AEBP2: variants seen among roughly 807,000 people sequenced by gnomAD.
AEBP2 encodes AE binding protein 2.
A neutral mutation model predicts 50.8 loss-of-function variants in AEBP2; 10 were observed. The ratio of observed to expected loss-of-function variants is 0.20; its 90% CI spans 0.12 to 0.33. The LOEUF is 0.33. Among genes scored for constraint, AEBP2 ranks in the 10% least tolerant of loss-of-function variants. AEBP2 has a pLI of 1.00. For synonymous variants in AEBP2, 296 were observed against 261.3 expected (o/e 1.13, Z -1.28); for missense variants, 570 against 688.0 (o/e 0.83, Z 1.92).
intron 4 of AEBP2, among the ~76,000 whole-genome samples, chr12:19,496,481 C>T (rs1202841291): frequency 6.6e-6 from 1 of 152,134 alleles, no homozygotes; most frequent in Non-Finnish European, 1.5e-5. Context: ...GCATGGTTAA[C>T]AGCTGCTGCA....
intron 5 of AEBP2, among the ~76,000 whole-genome samples, chr12:19,501,452 T>C (rs1170502524): frequency 6.6e-6 from 1 of 151,792 alleles, no homozygotes; most frequent in Non-Finnish European, 1.5e-5. Flanking sequence ...CTGGATAATA[T>C]GGCAAATCCC....
intron 2 of AEBP2, among the ~76,000 whole-genome samples, chr12:19,464,934 A>G: frequency 6.6e-6 from 1 of 152,110 alleles, no homozygotes; most frequent in East Asian, 1.9e-4. Context: ...TAATCACAGT[A>G]ATTATATACC....
At position 19,439,881 on chromosome 12, in the gene AEBP2, G is replaced by A. The variant is rs1437112846; in HGVS notation, c.182G>A (p.Gly61Asp). Residue 61 changes from glycine to aspartate, a missense_variant, in exon 1 of 8, where the codon GGC becomes GAC. Physicochemically the swap from Gly to Asp is moderately conservative, Grantham distance 94. Transcript: ENST00000266508. ...AEAVAALLLN[G>D]GSGGGGGGGG... ...GCGGTGGCGGCGCTGCTGCTGAACGGCGGCAGCGGTGGGGGCGGCGGAGGC... is the reference window on the plus strand; with the variant it reads ...GCGGTGGCGGCGCTGCTGCTGAACGACGGCAGCGGTGGGGGCGGCGGAGGC... The A allele has an allele frequency of 1.4e-5, 21 of 1,484,396 alleles. No homozygotes were observed. The highest frequency in any genetic ancestry group is 1.8e-5 in the Non-Finnish European group (20 of 1,126,518). 92.0% of individuals were successfully genotyped at this position (1,484,396 alleles called of 1,614,324 possible).
intron 4 of AEBP2, among the ~76,000 whole-genome samples, chr12:19,496,740 C>T (rs1489010947): frequency 6.6e-6 from 1 of 151,084 alleles, no homozygotes; most frequent in African/African-American, 2.4e-5. Context: ...TGACTCACTG[C>T]AGCCTCGACC....
At chr12:19,404,700 C>A (rs1285368064) in intron 1 of AEBP2, among the ~76,000 whole-genome samples, 1 of 152,088 alleles carries the variant, frequency 6.6e-6, no homozygotes, top group South Asian at 2.1e-4. Context: ...CAGAAAAGAA[C>A]GTTGGGTCTG....
chr12:19,497,471 T>C (rs1949004036), intron 4 of AEBP2, among the ~76,000 whole-genome samples: 1 of 151,574 alleles, frequency 6.6e-6, no homozygotes, highest in African/African-American at 2.4e-5. Flanking sequence ...CTTTGTTCTG[T>C]TTTTGTTTTT....
chr12:19,451,089 C>T (rs975426034), intron 1 of AEBP2, among the ~76,000 whole-genome samples: 4 of 152,100 alleles, frequency 2.6e-5, no homozygotes, highest in Non-Finnish European at 4.4e-5. Context: ...GAGTTGTAAG[C>T]ATTACAGAGT....
chr12:19,471,825 C>T (rs751241188), intron 2 of AEBP2, among the ~76,000 whole-genome samples: 6 of 152,092 alleles, frequency 3.9e-5, no homozygotes, highest in Admixed American at 6.6e-5. Context: ...GCCACCACAT[C>T]GGGTGCATAT....
rs188728400 is a variant in AEBP2 at position 19,441,835 on chromosome 12, A to G, written c.671+1465A>G. On this transcript the variant is annotated intron_variant, in intron 1 of 7. Transcript: ENST00000266508. ...TTATGCTCCTCTGATACCATTACAT[A>G]TCTGAAAGTTGACATTAGTTTATAA... 3.2e-3 allele frequency among the ~76,000 whole-genome samples: 491 copies of G among 152,322 alleles called. 1 individual carries two copies. Among genetic ancestry groups the G allele is most frequent in the Non-Finnish European group, 4.6e-3 (312 of 68,038 alleles).
At chr12:19,463,667 A>ATTT (rs34007914) in intron 2 of AEBP2, among the ~76,000 whole-genome samples, 4,809 of 84,706 alleles carry the variant, frequency 0.057, 348 homozygotes, top group Non-Finnish European at 0.074. Flanking sequence ...TCATACTTGA[A>ATTT]TTTTTTTTTT....
chr12:19,440,661 C>G (rs1475413230), intron 1 of AEBP2: 133 of 1,531,960 alleles, frequency 8.7e-5, no homozygotes, highest in Non-Finnish European at 6.1e-6. Flanking sequence ...GGAAACAGTC[C>G]CCAAACGGGC....
intron 1 of AEBP2, among the ~76,000 whole-genome samples, chr12:19,409,120 C>CT (rs1413420956): frequency 6.6e-6 from 1 of 152,098 alleles, no homozygotes; most frequent in Non-Finnish European, 1.5e-5. Context: ...ACTACAAAAG[C>CT]TTGCAGCCTT....
intron 1 of AEBP2, among the ~76,000 whole-genome samples, chr12:19,413,620 A>G (rs1818068079): frequency 6.6e-6 from 1 of 152,236 alleles, no homozygotes; most frequent in African/African-American, 2.4e-5. Context: ...TATTCCATAG[A>G]CAGAGCAGCC....
intron 2 of AEBP2, 61 bp from the exon 3 acceptor site, chr12:19,473,187 G>A: frequency 1.4e-6 from 1 of 705,288 alleles, no homozygotes; most frequent in South Asian, 3.7e-5. Flanking sequence ...GAATGTATGA[G>A]GAATCAAACT....
At chr12:19,502,536 G>A (rs1949096611) in intron 5 of AEBP2, among the ~76,000 whole-genome samples, 1 of 152,086 alleles carries the variant, frequency 6.6e-6, no homozygotes, top group Non-Finnish European at 1.5e-5. Context: ...ATTGAATTAG[G>A]GAGTCCTTTC....
intron 5 of AEBP2, among the ~76,000 whole-genome samples, chr12:19,501,793 G>GTTTTTTTTTTTTTTTTT (rs1204632203): frequency 8.5e-5 from 3 of 35,180 alleles, no homozygotes; most frequent in African/African-American, 2.1e-4. Context: ...ATAAAAATGA[G>GTTTTTTTTTTTTTTTTT]TTTGTTTTTT....
At chr12:19,462,409 G>A in intron 1 of AEBP2, 101 bp from the exon 2 acceptor site, 1 of 957,572 alleles carries the variant, frequency 1.0e-6, no homozygotes, top group Non-Finnish European at 1.6e-6. Flanking sequence ...TTGTTCACAT[G>A]GAGCAGAATG....
chr12:19,465,769 T>C (rs1202456571), intron 2 of AEBP2, among the ~76,000 whole-genome samples: 2 of 150,844 alleles, frequency 1.3e-5, no homozygotes, highest in East Asian at 2.0e-4. Flanking sequence ...TGCTTTGAGA[T>C]TGGCTTTTGT....
intron 2 of AEBP2, among the ~76,000 whole-genome samples, chr12:19,470,448 C>T (rs182571662): frequency 7.9e-5 from 12 of 152,308 alleles, no homozygotes; most frequent in Admixed American, 5.9e-4. Flanking sequence ...TGAGCCATTA[C>T]ACCAGGCCTT....
Sources: allele counts gnomAD v4.1 joint callset (sites outside exome capture counted in the v4.1 genomes callset), GRCh38; gene constraint gnomAD v4.1.1; transcripts MANE v1.5; gene names NCBI Gene and HGNC (gene_info 2026-07-23, HGNC 2026-07-21).